Variants in UGGT1 observed in about 807,000 individuals in gnomAD.
The protein encoded by UGGT1 is UDP-glucose:glycoprotein glucosyltransferase 1.
A neutral mutation model predicts 203.9 loss-of-function variants in UGGT1; 107 were observed. That is an observed-to-expected ratio of 0.52 (90% CI 0.45 to 0.62). The LOEUF (loss-of-function observed/expected upper bound fraction) is 0.62, where lower values mean the gene tolerates loss of function less well. Among genes scored for constraint, UGGT1 ranks in the 20% least tolerant of loss-of-function variants. The pLI, the probability that UGGT1 is intolerant of heterozygous loss-of-function variation, is 0.00. For missense variants in UGGT1, 1,673 were observed against 1,867.2 expected, an observed-to-expected ratio of 0.90 and a Z score of 1.92; for synonymous variants, 628 against 653.5, an observed-to-expected ratio of 0.96 and a Z score of 0.59.
intron 13 of UGGT1, 150 bp downstream of exon 13, chr2:128,129,329 T>G (rs1324922572): frequency 4.3e-6 from 4 of 925,894 alleles, no homozygotes; most frequent in East Asian, 5.8e-5. Flanking sequence ...ACTTTGTGTA[T>G]GTAATAAAGT....
chr2:128,136,460 C>T (rs1689133744), intron 15 of UGGT1, among the ~76,000 whole-genome samples: 1 of 152,178 alleles, frequency 6.6e-6, no homozygotes, highest in Admixed American at 6.5e-5. Flanking sequence ...TGCAGTCATA[C>T]GGCGTGTGCC....
At chr2:128,169,142 A>T (rs544518532) in intron 26 of UGGT1, among the ~76,000 whole-genome samples, 4 of 145,066 alleles carry the variant, frequency 2.8e-5, no homozygotes, top group African/African-American at 1.0e-4. Flanking sequence ...AAGCCAAGGC[A>T]GGAGGATCAC....
chr2:128,108,260 A>T (rs1687692013), intron 4 of UGGT1, among the ~76,000 whole-genome samples, 192 bp downstream of exon 4: 1 of 107,264 alleles, frequency 9.3e-6, no homozygotes. Context: ...ATTTAAAAAA[A>T]TAAAAGAATA....
At chr2:128,130,868 C>A (rs1017474349) in intron 13 of UGGT1, among the ~76,000 whole-genome samples, 1 of 152,038 alleles carries the variant, frequency 6.6e-6, no homozygotes. Context: ...TCAAGCAATC[C>A]TCTTGCTTCA....
chr2:128,130,443 T>C (rs1688819194), intron 13 of UGGT1, among the ~76,000 whole-genome samples: 1 of 152,200 alleles, frequency 6.6e-6, no homozygotes, highest in African/African-American at 2.4e-5. Flanking sequence ...GAATTCATAC[T>C]TGGTGATATA....
intron 13 of UGGT1, among the ~76,000 whole-genome samples, chr2:128,132,579 CTTCT>C (rs1203272448): frequency 6.6e-6 from 1 of 152,118 alleles, no homozygotes; most frequent in Non-Finnish European, 1.5e-5. Context: ...AAAAATTTCG[CTTCT>C]TTCTTTTATT....
intron 25 of UGGT1, among the ~76,000 whole-genome samples, chr2:128,163,100 CA>C (rs1476912840): frequency 6.6e-6 from 1 of 152,188 alleles, no homozygotes; most frequent in Non-Finnish European, 1.5e-5. Context: ...CATCAGCCTT[CA>C]GGGAGTTTCT....
intron 13 of UGGT1, among the ~76,000 whole-genome samples, chr2:128,130,585 C>G (rs555293923): frequency 1.2e-4 from 18 of 152,280 alleles, no homozygotes; most frequent in South Asian, 6.2e-4. Flanking sequence ...TAGGACCCAT[C>G]ATCATGCTTA....
chr2:128,129,218 C>G, intron 13 of UGGT1, 39 bp downstream of exon 13: 1 of 1,566,904 alleles, frequency 6.4e-7, no homozygotes, highest in Non-Finnish European at 8.6e-7. Flanking sequence ...ACTTTCTGAC[C>G]AGGAATCTTT....
At chr2:128,109,368 T>G (rs1218202868) in intron 4 of UGGT1, among the ~76,000 whole-genome samples, 1 of 151,956 alleles carries the variant, frequency 6.6e-6, no homozygotes, top group Admixed American at 6.6e-5. Context: ...TGTGCCTAAT[T>G]TTTTATTTTT....
chr2:128,117,792 G>A (rs527753165), intron 8 of UGGT1, among the ~76,000 whole-genome samples: 22 of 151,842 alleles, frequency 1.4e-4, no homozygotes, highest in African/African-American at 5.3e-4. Flanking sequence ...CTCCTGGTCC[G>A]CCCGCCTTGG....
Position 128,134,535 on chromosome 2 carries a change from C to T in UGGT1, c.1498-341C>T, listed in dbSNP as rs1689039090. On this transcript the variant is annotated intron_variant, in intron 14 of 40. Transcript: ENST00000259253. Reference sequence around the variant, plus strand: ...CTAAGTGAATTCTTAATTCAGAGATCCTCAGAAATGAATATACAAAAAGGC... The same window carrying T: ...CTAAGTGAATTCTTAATTCAGAGATTCTCAGAAATGAATATACAAAAAGGC... Among the ~76,000 whole-genome samples, 7 of 152,272 alleles carry T rather than the reference C, an allele frequency of 4.6e-5. No individual in the cohort carries two copies. The South Asian group carries it at 1.5e-3, about 32-fold the overall frequency.
Position 128,163,607 on chromosome 2 carries a change from C to T in UGGT1, c.2826-1123C>T, listed in dbSNP as rs1308009921. On this transcript the variant is annotated intron_variant, in intron 25 of 40. Coordinates refer to ENST00000259253, the MANE Select transcript of UGGT1 (RefSeq NM_020120.4). ...GCGGGCGCCTGTGATCCCAGCTACTCAGGAGGCTGAGGCAGGAGAATGGCG... is the reference window on the plus strand; with the variant it reads ...GCGGGCGCCTGTGATCCCAGCTACTTAGGAGGCTGAGGCAGGAGAATGGCG... Among the ~76,000 whole-genome samples, 3 of 151,834 alleles carry T rather than the reference C, an allele frequency of 2.0e-5. No homozygotes were observed. In the East Asian group the frequency reaches 5.8e-4, roughly 30 times the overall value.
chr2:128,181,981 C>A (rs1573630727), intron 36 of UGGT1, 149 bp from the exon 37 acceptor site: 1 of 656,338 alleles, frequency 1.5e-6, no homozygotes, highest in Non-Finnish European at 2.6e-6. Flanking sequence ...ATAAGTGGAG[C>A]AATCAAAGTG....
chr2:128,112,078 T>C (rs1180630281), intron 5 of UGGT1, among the ~76,000 whole-genome samples: 2 of 151,458 alleles, frequency 1.3e-5, no homozygotes, highest in African/African-American at 4.9e-5. Flanking sequence ...GCGACTGTGC[T>C]CTAGCCTAAG....
At chr2:128,156,601 A>G (rs950874765) in intron 21 of UGGT1, among the ~76,000 whole-genome samples, 186 bp downstream of exon 21, 15 of 141,110 alleles carry the variant, frequency 1.1e-4, no homozygotes, top group Non-Finnish European at 1.9e-4. Flanking sequence ...TCTGTCACCC[A>G]GGCTGGAGTG....
chr2:128,092,539 T>A (rs2105321169), intron 1 of UGGT1, among the ~76,000 whole-genome samples: 1 of 151,720 alleles, frequency 6.6e-6, no homozygotes, highest in South Asian at 2.1e-4. Flanking sequence ...CTGTGAGCAT[T>A]TTCTTTTTTT....
intron 8 of UGGT1, among the ~76,000 whole-genome samples, chr2:128,116,878 C>T (rs192593841): frequency 2.4e-4 from 36 of 152,194 alleles, no homozygotes; most frequent in African/African-American, 7.7e-4. Context: ...AGTTTAAGTG[C>T]GTTTTTCTTG....
intron 15 of UGGT1, among the ~76,000 whole-genome samples, chr2:128,137,998 A>G (rs778070684): frequency 2.6e-5 from 4 of 152,128 alleles, no homozygotes; most frequent in Admixed American, 6.5e-5. Context: ...TCTTTTACCA[A>G]TAATTCTCAT....
Sources: gnomAD v4.1 joint callset for allele counts (sites outside exome capture counted in the v4.1 genomes callset) on GRCh38, gnomAD v4.1.1 for gene constraint, MANE v1.5 for transcripts, NCBI Gene and HGNC (gene_info 2026-07-23, HGNC 2026-07-21) for gene names.